Variants in DLG2 observed in about 807,000 individuals in gnomAD.
DLG2 encodes the protein disks large homolog 2.
A neutral mutation model predicts 132.5 loss-of-function variants in DLG2; 45 were observed. The observed-to-expected ratio is 0.34, with a 90% CI of 0.27 to 0.44. DLG2 has a LOEUF of 0.44. Ranked by LOEUF, DLG2 falls within the 20% of genes least tolerant of loss-of-function variation. The pLI is 1.00. For missense variants in DLG2, 1,045 were observed against 1,196.9 expected (o/e 0.87, Z 1.87); for synonymous variants, 424 against 419.6 (o/e 1.01, Z -0.13).
At chr11:84,249,952 C>T (rs2097350300) in intron 8 of DLG2, among the ~76,000 whole-genome samples, 1 of 152,168 alleles carries the variant, frequency 6.6e-6, no homozygotes, top group Non-Finnish European at 1.5e-5. Flanking sequence ...AAGTCCCAAC[C>T]TTGTACTCCA....
rs2085771558 is a variant in DLG2, at chr11:83,952,705, T to G, written c.1340+10180A>C. On this transcript the variant is annotated intron_variant, in intron 14 of 27. Transcript: ENST00000376104. Reference sequence around the variant, plus strand: ...AAGCAAAAAATAAAAGCAAAAACTCTCTCATTGCACATAGTATGGTCCAAA... The same window carrying G: ...AAGCAAAAAATAAAAGCAAAAACTCGCTCATTGCACATAGTATGGTCCAAA... Among the ~76,000 whole-genome samples, 3 of 151,896 alleles carry G rather than the reference T, an allele frequency of 2.0e-5. No individual in the cohort carries two copies. The South Asian group carries it at 6.2e-4, about 32-fold the overall frequency.
In DLG2 at chr11:83,785,791, TA is replaced by T. The variant is rs202165440; in HGVS notation, c.1825+898del. Among the ~76,000 whole-genome samples, 1,331 of 152,310 alleles carry T rather than the reference TA, an allele frequency of 8.7e-3. 17 individuals are homozygous for T. Among genetic ancestry groups the T allele is most frequent in the African/African-American group, 0.03 (1,256 of 41,566 alleles). On this transcript the variant is annotated intron_variant, in intron 18 of 27. Coordinates refer to ENST00000376104, the MANE Select transcript of DLG2 (RefSeq NM_001142699.3). Reference sequence around the variant, plus strand: ...TCATCACTTGAAAAGGAGCTCCTAATACTCATATGCACAGAGACTCTTCCTT... The same window carrying T: ...TCATCACTTGAAAAGGAGCTCCTAATCTCATATGCACAGAGACTCTTCCTT...
intron 7 of DLG2, among the ~76,000 whole-genome samples, chr11:84,439,731 A>G (rs918886286): frequency 6.6e-6 from 1 of 152,216 alleles, no homozygotes; most frequent in Non-Finnish European, 1.5e-5. Flanking sequence ...ATTTCTGCAC[A>G]CAAGTTGTTC....
chr11:83,611,419 C>G (rs2060096706), intron 19 of DLG2, among the ~76,000 whole-genome samples: 1 of 152,038 alleles, frequency 6.6e-6, no homozygotes, highest in Non-Finnish European at 1.5e-5. Context: ...TCTTGGTAAC[C>G]AAATCCATTA....
intron 3 of DLG2, among the ~76,000 whole-genome samples, chr11:85,547,804 G>T (rs1275331496): frequency 1.3e-5 from 2 of 151,988 alleles, no homozygotes; most frequent in Non-Finnish European, 2.9e-5. Flanking sequence ...TATGCCTCAT[G>T]AAGCTCTCCT....
chr11:83,804,347 C>T lies in DLG2; in HGVS notation c.1723-17555G>A, dbSNP rs139750812. On this transcript the variant is annotated intron_variant, in intron 17 of 27. Coordinates refer to ENST00000376104, the MANE Select transcript of DLG2 (RefSeq NM_001142699.3). ...CTATTTCTCTTCAAAATATCTGTTG[C>T]TTTTGTTTTTTCCTTTCTAATTTAC... Among the ~76,000 whole-genome samples, 1,295 of 152,080 alleles carry T rather than the reference C, an allele frequency of 8.5e-3. 15 individuals carry two copies. The highest frequency in any genetic ancestry group is 0.03 in the African/African-American group (1,230 of 41,514).
chr11:85,022,848 AT>A (rs768810093), intron 6 of DLG2, among the ~76,000 whole-genome samples: 1 of 152,024 alleles, frequency 6.6e-6, no homozygotes, highest in Non-Finnish European at 1.5e-5. Flanking sequence ...CTTATTACTT[AT>A]TTTTTCCCCA....
chr11:85,463,618 T>A (rs918996742), intron 3 of DLG2, among the ~76,000 whole-genome samples: 24 of 152,004 alleles, frequency 1.6e-4, no homozygotes, highest in African/African-American at 4.8e-4. Flanking sequence ...AAATTTTTTT[T>A]AAATTAGGCA....
chr11:84,908,818 T>A (rs1017397564), intron 6 of DLG2, among the ~76,000 whole-genome samples: 1 of 149,670 alleles, frequency 6.7e-6, no homozygotes, highest in Non-Finnish European at 1.5e-5. Flanking sequence ...GAAAGCATAT[T>A]TCAACATATA....
At chr11:83,728,243 C>A (rs931984771) in intron 18 of DLG2, among the ~76,000 whole-genome samples, 1 of 152,142 alleles carries the variant, frequency 6.6e-6, no homozygotes, top group African/African-American at 2.4e-5. Flanking sequence ...GATCTTGTCT[C>A]TTCTCTGTTC....
chr11:83,863,898 T>C (rs933986565), intron 16 of DLG2, among the ~76,000 whole-genome samples: 1 of 152,128 alleles, frequency 6.6e-6, no homozygotes, highest in Non-Finnish European at 1.5e-5. Context: ...GAAAGCACTG[T>C]AAGAGAAGGG....
chr11:83,519,638 T>C (rs2095412925), intron 21 of DLG2, among the ~76,000 whole-genome samples: 1 of 152,246 alleles, frequency 6.6e-6, no homozygotes, highest in Non-Finnish European at 1.5e-5. Context: ...CTGGCTTATA[T>C]GTAATCTTCA....
intron 6 of DLG2, among the ~76,000 whole-genome samples, chr11:84,574,481 A>C (rs559677696): frequency 1.6e-4 from 25 of 152,076 alleles, no homozygotes; most frequent in Non-Finnish European, 3.2e-4. Context: ...AAATTTCACT[A>C]TTTGGGATCT....
At chr11:83,631,448 C>A (rs75887747) in intron 19 of DLG2, 1 of 151,848 alleles carries the variant, frequency 6.6e-6, no homozygotes, top group East Asian at 1.9e-4. Flanking sequence ...ATTTTTGAGT[C>A]TCATTAAAAA....
chr11:83,963,214 T>C (rs952170332), intron 13 of DLG2, among the ~76,000 whole-genome samples, 191 bp from the exon 14 acceptor site: 3 of 151,970 alleles, frequency 2.0e-5, no homozygotes, highest in African/African-American at 7.2e-5. Context: ...ACCTTTAGGA[T>C]AGGAAAGACT....
At chr11:83,976,475 C>T (rs759492272) in intron 12 of DLG2, among the ~76,000 whole-genome samples, 6 of 151,372 alleles carry the variant, frequency 4.0e-5, no homozygotes, top group Non-Finnish European at 8.9e-5. Context: ...GGGGAAGATA[C>T]AAAGAATATG....
At chr11:85,261,333 C>T (rs1034186237) in intron 4 of DLG2, among the ~76,000 whole-genome samples, 1 of 152,064 alleles carries the variant, frequency 6.6e-6, no homozygotes, top group African/African-American at 2.4e-5. Flanking sequence ...TTTCCCCTAC[C>T]TGAGGCCCCT....
At chr11:85,506,748 C>G (rs923322408) in intron 3 of DLG2, among the ~76,000 whole-genome samples, 5 of 152,130 alleles carry the variant, frequency 3.3e-5, no homozygotes, top group African/African-American at 9.7e-5. Context: ...TGGTGCAGAG[C>G]TGAGTTCAAG....
intron 3 of DLG2, among the ~76,000 whole-genome samples, chr11:85,412,186 A>C (rs2152981546): frequency 6.6e-6 from 1 of 151,992 alleles, no homozygotes; most frequent in South Asian, 2.1e-4. Context: ...ATAAGACTGA[A>C]GGAAATGATT....
Sources: gnomAD v4.1 joint callset for allele counts (sites outside exome capture counted in the v4.1 genomes callset) on GRCh38, gnomAD v4.1.1 for gene constraint, MANE v1.5 for transcripts, NCBI Gene and HGNC (gene_info 2026-07-23, HGNC 2026-07-21) for gene names.